The following NYAP2 variants were observed in gnomAD, a reference collection of about 807,000 sequenced individuals.
The protein encoded by NYAP2 is neuronal tyrosine-phosphorylated phosphoinositide-3-kinase adapter 2.
NYAP2 carries 23 observed loss-of-function variants against 50.4 expected under a neutral mutation model. The ratio of observed to expected loss-of-function variants is 0.46; its 90% confidence interval spans 0.33 to 0.65. The LOEUF is 0.65. Ranked by LOEUF, NYAP2 falls within the 30% of genes least tolerant of loss-of-function variation. The pLI is 0.02. For missense variants in NYAP2, 885 were observed against 861.0 expected, an observed-to-expected ratio of 1.03 and a Z score of -0.35; for synonymous variants, 394 against 365.2, an observed-to-expected ratio of 1.08 and a Z score of -0.90.
At chr2:225,635,093 A>G (rs1451635451) in intron 6 of NYAP2, among the ~76,000 whole-genome samples, 2 of 152,278 alleles carry the variant, frequency 1.3e-5, no homozygotes, top group East Asian at 1.9e-4. Context: ...GACAGCAATA[A>G]CTCAAAGCCA....
chr2:225,678,832 C>A, the NYAP2 span, among the ~76,000 whole-genome samples: 1 of 152,102 alleles, frequency 6.6e-6, no homozygotes, highest in African/African-American at 2.4e-5. Flanking sequence ...AACCCTGGCT[C>A]AATTATCCCC....
At chr2:225,639,452 G>C (rs1693486132) in intron 6 of NYAP2, among the ~76,000 whole-genome samples, 1 of 152,238 alleles carries the variant, frequency 6.6e-6, no homozygotes, top group East Asian at 1.9e-4. Flanking sequence ...CAGTGGGCTG[G>C]TATCATTATC....
chr2:225,589,081 A>G (rs1248758060), intron 5 of NYAP2, among the ~76,000 whole-genome samples: 2 of 151,808 alleles, frequency 1.3e-5, no homozygotes, highest in Non-Finnish European at 2.9e-5. Context: ...TCTTTTCCTA[A>G]TTGTAATATC....
At chr2:225,640,331 A>G (rs1049664058) in intron 6 of NYAP2, among the ~76,000 whole-genome samples, 5 of 152,154 alleles carry the variant, frequency 3.3e-5, no homozygotes, top group Non-Finnish European at 5.9e-5. Flanking sequence ...GCCATGTTAC[A>G]CATGTGTTTT....
At chr2:225,454,193 G>T (rs1162771806) in intron 3 of NYAP2, among the ~76,000 whole-genome samples, 1 of 151,912 alleles carries the variant, frequency 6.6e-6, no homozygotes, top group African/African-American at 2.4e-5. Context: ...GGGCATTATG[G>T]CATGTGCCTG....
At chr2:225,467,458 C>G (rs1195006338) in intron 3 of NYAP2, among the ~76,000 whole-genome samples, 1 of 152,086 alleles carries the variant, frequency 6.6e-6, no homozygotes, top group East Asian at 1.9e-4. Flanking sequence ...TGGTTGATGC[C>G]TCTCCTGCCC....
chr2:225,630,547 C>T (rs902861655), intron 6 of NYAP2, among the ~76,000 whole-genome samples: 3 of 152,132 alleles, frequency 2.0e-5, no homozygotes, highest in Non-Finnish European at 2.9e-5. Context: ...TTTCCATGGG[C>T]TTGTAGAGAA....
chr2:225,480,450 A>G (rs1032970712), intron 3 of NYAP2, among the ~76,000 whole-genome samples: 1 of 152,156 alleles, frequency 6.6e-6, no homozygotes, highest in African/African-American at 2.4e-5. Context: ...TTCTTAACTA[A>G]AAGGGCATTT....
intron 3 of NYAP2, among the ~76,000 whole-genome samples, chr2:225,446,764 G>A (rs1689571457): frequency 6.6e-6 from 1 of 152,040 alleles, no homozygotes; most frequent in Non-Finnish European, 1.5e-5. Flanking sequence ...CAGCAGCAGG[G>A]TGATTAACAG....
chr2:225,532,363 T>G (rs1192787833), intron 4 of NYAP2, among the ~76,000 whole-genome samples: 1 of 152,234 alleles, frequency 6.6e-6, no homozygotes, highest in African/African-American at 2.4e-5. Flanking sequence ...TTTATGGCTC[T>G]ATAGCTGCAC....
chr2:225,686,865 A>C, the NYAP2 span, among the ~76,000 whole-genome samples: 1 of 152,182 alleles, frequency 6.6e-6, no homozygotes, highest in South Asian at 2.1e-4. Flanking sequence ...ACAATGACAA[A>C]TAGAAAGGTC....
chr2:225,499,946 A>G lies in NYAP2; in HGVS notation c.222-13425A>G, dbSNP rs573711261. On this transcript the variant is annotated intron_variant, in intron 3 of 6. Transcript: ENST00000636099. Reference sequence around the variant, plus strand: ...CGATGTTTGAGCTAAGTATTGCTAAAGAAAGGGGAGTTGGAAATGTTTAGG... The same window carrying G: ...CGATGTTTGAGCTAAGTATTGCTAAGGAAAGGGGAGTTGGAAATGTTTAGG... Among the ~76,000 whole-genome samples, 3 of 152,360 alleles carry G rather than the reference A, an allele frequency of 2.0e-5. No individual in the cohort carries two copies. The East Asian group carries it at 5.8e-4, about 29-fold the overall frequency.
chr2:225,426,636 T>TA (rs1430771132), intron 3 of NYAP2, among the ~76,000 whole-genome samples: 2 of 152,208 alleles, frequency 1.3e-5, no homozygotes, highest in African/African-American at 4.8e-5. Flanking sequence ...TTGAAATGCT[T>TA]AAAGCCATAA....
intron 5 of NYAP2, among the ~76,000 whole-genome samples, chr2:225,604,914 G>A (rs573738778): frequency 3.3e-5 from 5 of 152,022 alleles, no homozygotes; most frequent in Non-Finnish European, 2.9e-5. Flanking sequence ...CTTTTTACAT[G>A]AAATTTTAAT....
At chr2:225,683,966 A>G in the NYAP2 span, among the ~76,000 whole-genome samples, 1 of 152,222 alleles carries the variant, frequency 6.6e-6, no homozygotes, top group African/African-American at 2.4e-5. Flanking sequence ...AGGAAGTCCA[A>G]TTATGAGAGA....
At chr2:225,462,732 C>T (rs1432402707) in intron 3 of NYAP2, among the ~76,000 whole-genome samples, 1 of 152,118 alleles carries the variant, frequency 6.6e-6, no homozygotes, top group African/African-American at 2.4e-5. Context: ...TTTAGTAATA[C>T]TGAGTTCTAG....
chr2:225,631,916 C>T (rs1693323031), intron 6 of NYAP2, among the ~76,000 whole-genome samples: 2 of 152,172 alleles, frequency 1.3e-5, no homozygotes, highest in South Asian at 4.1e-4. Context: ...CTCCTGGGTT[C>T]AAGAGATTCT....
At chr2:225,471,092 A>G (rs1690006761) in intron 3 of NYAP2, among the ~76,000 whole-genome samples, 1 of 152,246 alleles carries the variant, frequency 6.6e-6, no homozygotes, top group South Asian at 2.1e-4. Flanking sequence ...AGAGGGATTT[A>G]GACAAACCTC....
intron 3 of NYAP2, among the ~76,000 whole-genome samples, chr2:225,439,937 G>A (rs796997679): frequency 3.5e-4 from 53 of 152,300 alleles, no homozygotes; most frequent in African/African-American, 1.2e-3. Context: ...ATCATGGGGA[G>A]GCACCTCTTC....
Sources: allele counts gnomAD v4.1 joint callset (sites outside exome capture counted in the v4.1 genomes callset), GRCh38; gene constraint gnomAD v4.1.1; transcripts MANE v1.5; gene names NCBI Gene and HGNC (gene_info 2026-07-23, HGNC 2026-07-21).